Variants in CDKAL1 observed in about 807,000 individuals in gnomAD.
The protein encoded by CDKAL1 is CDKAL1 threonylcarbamoyladenosine tRNA methylthiotransferase.
A neutral mutation model predicts 68.2 loss-of-function variants in CDKAL1; 32 were observed. That is an observed-to-expected ratio of 0.47 (90% CI 0.35 to 0.63). The LOEUF is 0.63. Among genes scored for constraint, CDKAL1 ranks in the 30% least tolerant of loss-of-function variants. The probability of loss-of-function intolerance (pLI) is 0.00; values close to 1 mark genes in which losing one functional copy is unlikely to be tolerated. For missense variants in CDKAL1, 606 were observed against 696.7 expected, an observed-to-expected ratio of 0.87 and a Z score of 1.47; for synonymous variants, 234 against 244.3, an observed-to-expected ratio of 0.96 and a Z score of 0.39.
intron 12 of CDKAL1, among the ~76,000 whole-genome samples, chr6:21,104,724 G>A (rs773925210): frequency 2.6e-5 from 4 of 152,176 alleles, no homozygotes; most frequent in Non-Finnish European, 5.9e-5. Flanking sequence ...TAAATTTGTT[G>A]TCAGAAAAGG....
At chr6:21,017,155 A>G (rs1374787524) in intron 11 of CDKAL1, among the ~76,000 whole-genome samples, 1 of 152,144 alleles carries the variant, frequency 6.6e-6, no homozygotes, top group Admixed American at 6.5e-5. Context: ...ACATTGCTCT[A>G]TTTGATTGCA....
chr6:21,200,925 A>G lies in CDKAL1; in HGVS notation c.1384-185A>G, dbSNP rs1778662159. ...TTCGGTTAATAATATTAATATATCA[A>G]TTTGGGTTCATTAATTGTGGCAAAA... On this transcript the variant is annotated intron_variant, in intron 14 of 15. Transcript: ENST00000274695. 17 of 474,358 alleles carry G rather than the reference A, an allele frequency of 3.6e-5. No homozygotes were observed. In the South Asian group the frequency reaches 6.8e-4, roughly 19 times the overall value. 29.4% of individuals were successfully genotyped at this position (474,358 alleles called of 1,614,324 possible).
At chr6:20,584,568 T>C (rs1765267963) in intron 4 of CDKAL1, among the ~76,000 whole-genome samples, 1 of 152,216 alleles carries the variant, frequency 6.6e-6, no homozygotes, top group Admixed American at 6.5e-5. Context: ...TCTATAATGC[T>C]GAGTGTTCAC....
At chr6:20,757,872 T>C (rs900141522) in intron 6 of CDKAL1, among the ~76,000 whole-genome samples, 1 of 152,246 alleles carries the variant, frequency 6.6e-6, no homozygotes, top group Non-Finnish European at 1.5e-5. Context: ...AATATTACTT[T>C]GCTTTTTTTC....
At chr6:20,613,976 G>A (rs1341360374) in intron 4 of CDKAL1, among the ~76,000 whole-genome samples, 1 of 141,038 alleles carries the variant, frequency 7.1e-6, no homozygotes, top group East Asian at 2.6e-4. Context: ...ATAGTTCTAT[G>A]TATCATGAGT....
chr6:20,741,830 A>T (rs62399292), intron 6 of CDKAL1, among the ~76,000 whole-genome samples: 6,266 of 152,176 alleles, frequency 0.041, 146 homozygotes, highest in Middle Eastern at 0.082. Flanking sequence ...ATACCCAGTA[A>T]TTACATTGCT....
intron 13 of CDKAL1, among the ~76,000 whole-genome samples, chr6:21,163,980 T>G (rs6915161): frequency 0.22 from 32,786 of 151,578 alleles, 3,900 homozygotes; most frequent in Non-Finnish European, 0.24. Context: ...GAAAAAGAAA[T>G]AATGTGTCTA....
chr6:20,901,685 A>AC, intron 9 of CDKAL1, among the ~76,000 whole-genome samples: 1 of 122,260 alleles, frequency 8.2e-6, no homozygotes, highest in Non-Finnish European at 1.7e-5. Flanking sequence ...CATCTGGAAA[A>AC]AAAAAAAAAA....
intron 4 of CDKAL1, among the ~76,000 whole-genome samples, chr6:20,638,238 A>C (rs1316978752): frequency 6.6e-6 from 1 of 152,234 alleles, no homozygotes; most frequent in East Asian, 1.9e-4. Context: ...ACAGTCTAGT[A>C]AGTGAAAAAT....
At chr6:20,690,247 A>G (rs1173211403) in intron 5 of CDKAL1, among the ~76,000 whole-genome samples, 2 of 152,324 alleles carry the variant, frequency 1.3e-5, no homozygotes, top group East Asian at 1.9e-4. Flanking sequence ...TATAAGTTGT[A>G]TATATTTTTT....
intron 11 of CDKAL1, among the ~76,000 whole-genome samples, chr6:21,040,081 A>T (rs916941725): frequency 6.6e-6 from 1 of 152,116 alleles, no homozygotes. Flanking sequence ...GCGTCTCCAA[A>T]TCCCTTTTTT....
chr6:21,138,266 G>A (rs922632893), intron 13 of CDKAL1, among the ~76,000 whole-genome samples: 5 of 152,018 alleles, frequency 3.3e-5, no homozygotes, highest in African/African-American at 7.3e-5. Context: ...TATGCTGTAT[G>A]TGTGTGGGGG....
At chr6:20,810,392 TCACACACACACACACACA>T (rs59104508) in intron 8 of CDKAL1, among the ~76,000 whole-genome samples, 14,323 of 115,606 alleles carry the variant, frequency 0.12, 894 homozygotes, top group African/African-American at 0.15. Flanking sequence ...TCTCTCTCTG[TCACACACACACACACACA>T]CACACACACA....
chr6:20,628,100 C>A (rs573749966), intron 4 of CDKAL1, among the ~76,000 whole-genome samples: 21 of 152,158 alleles, frequency 1.4e-4, no homozygotes, highest in Admixed American at 1.2e-3. Flanking sequence ...TTTCTTGCTT[C>A]ATTTTCCTGG....
chr6:21,219,555 T>C (rs983205083), intron 15 of CDKAL1, among the ~76,000 whole-genome samples: 1 of 152,260 alleles, frequency 6.6e-6, no homozygotes, highest in Non-Finnish European at 1.5e-5. Context: ...CATGGTGATA[T>C]GTAGGAAACA....
intron 4 of CDKAL1, among the ~76,000 whole-genome samples, chr6:20,626,848 C>T (rs945374959): frequency 6.6e-6 from 1 of 152,158 alleles, no homozygotes; most frequent in African/African-American, 2.4e-5. Flanking sequence ...AACCAAAAGC[C>T]TTCCTGGAAG....
At chr6:20,722,442 C>T in intron 5 of CDKAL1, 1 of 289,578 alleles carries the variant, frequency 3.5e-6, no homozygotes, top group Non-Finnish European at 6.6e-6. Context: ...AGCACTGAAG[C>T]CTCATCACAG....
At chr6:21,135,160 G>A (rs866986349) in intron 13 of CDKAL1, among the ~76,000 whole-genome samples, 10 of 152,028 alleles carry the variant, frequency 6.6e-5, no homozygotes, top group Non-Finnish European at 7.4e-5. Context: ...CTTAAAAACA[G>A]GTTCATACTG....
rs934645314 is a variant in CDKAL1, at chr6:21,194,864, C to A, written c.1300-3157C>A. ...TTAATATTATTTGGAATAGTTGTTT[C>A]TCTTAAAGGTTGTATTTGATTTTCA... On this transcript the variant is annotated intron_variant, in intron 13 of 15. Coordinates refer to ENST00000274695, the MANE Select transcript of CDKAL1 (RefSeq NM_017774.3). 6.2e-4 allele frequency among the ~76,000 whole-genome samples: 94 copies of A among 152,198 alleles called. 1 individual carries two copies. The highest frequency in any genetic ancestry group is 2.1e-3 in the African/African-American group (89 of 41,534).
Sources: allele counts gnomAD v4.1 joint callset (sites outside exome capture counted in the v4.1 genomes callset), GRCh38; gene constraint gnomAD v4.1.1; transcripts MANE v1.5; gene names NCBI Gene and HGNC (gene_info 2026-07-23, HGNC 2026-07-21).